The following PDE4D variants were observed in gnomAD, a reference collection of about 807,000 sequenced individuals.
The protein encoded by PDE4D is 3',5'-cyclic-AMP phosphodiesterase 4D.
In PDE4D, 24 loss-of-function variants were observed where a neutral mutation model predicts 87.4. That is an observed-to-expected ratio of 0.27 (90% CI 0.20 to 0.39). The LOEUF (loss-of-function observed/expected upper bound fraction) is 0.39. Ranked by LOEUF, PDE4D falls within the 10% of genes least tolerant of loss-of-function variation. The pLI is 1.00. For synonymous variants in PDE4D, 384 were observed against 383.2 expected (o/e 1.00, Z -0.02); for missense variants, 714 against 1,041.0 (o/e 0.69, Z 4.32).
At chr5:59,188,410 G>A (rs1248137097) in intron 3 of PDE4D, among the ~76,000 whole-genome samples, 3 of 152,040 alleles carry the variant, frequency 2.0e-5, no homozygotes, top group Non-Finnish European at 4.4e-5. Context: ...TAGCCCATGG[G>A]GAAGGATTCA....
At chr5:60,349,249 T>C (rs923128273) in intron 1 of PDE4D, among the ~76,000 whole-genome samples, 1 of 152,130 alleles carries the variant, frequency 6.6e-6, no homozygotes, top group African/African-American at 2.4e-5. Context: ...TATTTTCGTA[T>C]TAAATACATG....
intron 5 of PDE4D, among the ~76,000 whole-genome samples, chr5:59,119,330 G>A (rs986951488): frequency 2.0e-5 from 3 of 152,148 alleles, no homozygotes; most frequent in Non-Finnish European, 2.9e-5. Context: ...CAAGAGAGAA[G>A]AGGAAATTTA....
Position 60,084,439 on chromosome 5 carries a change from TGTGA to T in PDE4D, c.43-95726_43-95723del, listed in dbSNP as rs1171348291. Among the ~76,000 whole-genome samples, 26 of 151,776 alleles carry T rather than the reference TGTGA, an allele frequency of 1.7e-4. 1 individual carries two copies. The highest frequency in any genetic ancestry group is 1.6e-3 in the Admixed American group (25 of 15,270). On this transcript the variant is annotated intron_variant, in intron 2 of 16. Coordinates refer to the PDE4D transcript ENST00000502484. ...GCGTGTGCGCATGCGCACGCATGTG[TGTGA>T]GAGAAATATGGGCCTGTTTGAGAAT...
Position 59,121,998 on chromosome 5 carries a change from C to T in PDE4D, c.808+58597G>A, listed in dbSNP as rs113068161. On this transcript the variant is annotated intron_variant, in intron 5 of 14. Transcript: ENST00000340635. ...CTCTTCTTAAAATACAAAAATTAGC[C>T]GGGCATGGTGGCACTCGCCTGTAGT... Among the ~76,000 whole-genome samples the T allele has an allele frequency of 5.9e-4, 90 of 151,842 alleles. 1 individual carries two copies. The highest frequency in any genetic ancestry group is 1.6e-3 in the African/African-American group (65 of 41,408).
intron 1 of PDE4D, among the ~76,000 whole-genome samples, chr5:59,360,736 G>A (rs946713059): frequency 6.6e-6 from 1 of 152,100 alleles, no homozygotes; most frequent in Non-Finnish European, 1.5e-5. Flanking sequence ...TGATTGAAAG[G>A]TCAATTATTC....
rs554557995 is a variant in PDE4D at position 60,405,943 on chromosome 5, T to TAC, written c.-90+81997_-90+81998dup. Among the ~76,000 whole-genome samples the TAC allele has an allele frequency of 6.7e-4, 102 of 152,224 alleles. 1 individual carries two copies. In the South Asian group the frequency reaches 0.021, roughly 31 times the overall value. ...TCCTGCCCCTTCTTCCTGCCCCAAT[T>TAC]ACACCCACAGGGGTTCCTTATTCTA... On this transcript the variant is annotated intron_variant, in intron 1 of 16. Transcript: ENST00000502484.
At chr5:60,208,992 C>G (rs1320909365) in intron 1 of PDE4D, among the ~76,000 whole-genome samples, 2 of 152,076 alleles carry the variant, frequency 1.3e-5, no homozygotes, top group Admixed American at 1.3e-4. Context: ...CAACTCAAAG[C>G]TGATAAATTA....
At chr5:60,334,327 T>C (rs1757561537) in intron 1 of PDE4D, among the ~76,000 whole-genome samples, 1 of 152,162 alleles carries the variant, frequency 6.6e-6, no homozygotes, top group Non-Finnish European at 1.5e-5. Flanking sequence ...TGACTCCCAA[T>C]GGACCCACCT....
At chr5:59,415,547 T>G (rs923564176) in intron 1 of PDE4D, among the ~76,000 whole-genome samples, 1 of 152,222 alleles carries the variant, frequency 6.6e-6, no homozygotes, top group Admixed American at 6.5e-5. Flanking sequence ...AAAAGACTGA[T>G]AGTTGATTTA....
chr5:60,213,739 G>A (rs903455832), intron 1 of PDE4D, among the ~76,000 whole-genome samples: 10 of 152,116 alleles, frequency 6.6e-5, no homozygotes, highest in Non-Finnish European at 1.3e-4. Context: ...TGACAAGCCA[G>A]TCTTCCTTTA....
At chr5:59,049,201 T>C (rs1236995910) in intron 5 of PDE4D, among the ~76,000 whole-genome samples, 2 of 152,234 alleles carry the variant, frequency 1.3e-5, no homozygotes, top group East Asian at 3.8e-4. Flanking sequence ...TATTTGTGTC[T>C]AGGCCTTTCT....
At chr5:59,231,006 C>T (rs992881322) in intron 1 of PDE4D, among the ~76,000 whole-genome samples, 1 of 152,148 alleles carries the variant, frequency 6.6e-6, no homozygotes, top group African/African-American at 2.4e-5. Context: ...AGATATGTCT[C>T]ATTATGTGTC....
intron 1 of PDE4D, among the ~76,000 whole-genome samples, chr5:59,236,436 C>T (rs1239090837): frequency 6.6e-6 from 1 of 152,174 alleles, no homozygotes; most frequent in African/African-American, 2.4e-5. Flanking sequence ...CTTAGGCCTC[C>T]TTTTGGATAC....
chr5:59,074,727 C>G (rs1345952042), intron 5 of PDE4D, among the ~76,000 whole-genome samples: 1 of 152,142 alleles, frequency 6.6e-6, no homozygotes, highest in Non-Finnish European at 1.5e-5. Flanking sequence ...CCACTTCATT[C>G]CAGCCTGGGT....
Position 59,427,558 on chromosome 5 carries a change from G to C in PDE4D, c.456-211590C>G, listed in dbSNP as rs371954506. Among the ~76,000 whole-genome samples the C allele has an allele frequency of 2.4e-4, 36 of 152,256 alleles. 1 individual carries two copies. Among genetic ancestry groups the C allele is most frequent in the African/African-American group, 8.2e-4 (34 of 41,554 alleles). On this transcript the variant is annotated intron_variant, in intron 1 of 14. Coordinates refer to ENST00000340635, the MANE Select transcript of PDE4D (RefSeq NM_001104631.2). ...TTTAAATCTCTGTATGAAGGGCCAG[G>C]CTTGATTGCTCATGCCTGTAATCCC... is the stretch of plus-strand genomic sequence containing the variant.
chr5:60,203,556 G>A lies in PDE4D; in HGVS notation c.-89-17869C>T, dbSNP rs187269873. On this transcript the variant is annotated intron_variant, in intron 1 of 16. Coordinates refer to the PDE4D transcript ENST00000502484. Reference sequence around the variant, plus strand: ...GGGTGGCTTTTCTCCTTTAATTTCTGTGCCTAATGTAATCTAATTTTTCTA... The same window carrying A: ...GGGTGGCTTTTCTCCTTTAATTTCTATGCCTAATGTAATCTAATTTTTCTA... Among the ~76,000 whole-genome samples, 380 of 152,226 alleles carry A rather than the reference G, an allele frequency of 2.5e-3. 2 individuals carry two copies. The highest frequency in any genetic ancestry group is 0.012 in the South Asian group (60 of 4,828).
chr5:59,954,527 A>T (rs1758632096), intron 3 of PDE4D, among the ~76,000 whole-genome samples: 1 of 152,204 alleles, frequency 6.6e-6, no homozygotes, highest in African/African-American at 2.4e-5. Flanking sequence ...AAGATTAACA[A>T]GTCAGAAATG....
At chr5:59,248,391 T>C (rs578116042) in intron 1 of PDE4D, among the ~76,000 whole-genome samples, 1 of 151,696 alleles carries the variant, frequency 6.6e-6, no homozygotes, top group South Asian at 2.1e-4. Context: ...TGCTCTTGCA[T>C]CTATCTGCCA....
At chr5:59,287,730 GAGAGAGAC>G (rs1358515760) in intron 1 of PDE4D, among the ~76,000 whole-genome samples, 1 of 151,682 alleles carries the variant, frequency 6.6e-6, no homozygotes, top group African/African-American at 2.4e-5. Flanking sequence ...GAGAGAGAGA[GAGAGAGAC>G]AGACAGACAG....
Sources: gnomAD v4.1 joint callset for allele counts (sites outside exome capture counted in the v4.1 genomes callset) on GRCh38, gnomAD v4.1.1 for gene constraint, MANE v1.5 for transcripts, NCBI Gene and HGNC (gene_info 2026-07-23, HGNC 2026-07-21) for gene names.